Variants in UTRN observed in about 807,000 individuals in gnomAD.
UTRN encodes dystrophin-related protein 1.
Under a neutral mutation model 463.9 loss-of-function variants are expected in UTRN, and 283 were observed. The ratio of observed to expected loss-of-function variants is 0.61; its 90% CI spans 0.55 to 0.67. UTRN has a LOEUF of 0.67. UTRN is among the 30% of genes least tolerant of loss of function. The pLI, the probability that UTRN is intolerant of heterozygous loss-of-function variation, is 0.00. For synonymous variants in UTRN, 1,442 were observed against 1,431.5 expected, an observed-to-expected ratio of 1.01 and a Z score of -0.17; for missense variants, 3,922 against 4,084.3, an observed-to-expected ratio of 0.96 and a Z score of 1.08.
chr6:144,543,029 C>A (rs1798108574), intron 46 of UTRN, among the ~76,000 whole-genome samples, 159 bp downstream of exon 46: 1 of 152,108 alleles, frequency 6.6e-6, no homozygotes, highest in Admixed American at 6.5e-5. Context: ...TTCTTTAAAC[C>A]CAAGACACAT....
chr6:144,835,668 G>A, intron 69 of UTRN, 112 bp from the exon 70 acceptor site: 1 of 1,449,986 alleles, frequency 6.9e-7, no homozygotes, highest in South Asian at 1.3e-5. Context: ...TGAGCTCTAA[G>A]ACAAACTTGG....
Position 144,846,884 on chromosome 6 carries a change from GA to G in UTRN, c.10293+58del, listed in dbSNP as rs1274470335. ...TACTGATCCCAACCTAGAGTAAGCA[GA>G]TTATCCACGACTGATTTTATTCCTA... On this transcript the variant is annotated intron_variant, in intron 74 of 74. Coordinates refer to ENST00000367545, the MANE Select transcript of UTRN (RefSeq NM_007124.3). 1.2e-5 allele frequency: 19 copies of G among 1,599,076 alleles called. No homozygotes were observed. In the African/African-American group the frequency reaches 1.7e-4, roughly 15 times the overall value.
intron 50 of UTRN, among the ~76,000 whole-genome samples, chr6:144,567,734 G>C (rs1275812979): frequency 1.3e-5 from 2 of 152,124 alleles, no homozygotes; most frequent in African/African-American, 4.8e-5. Context: ...CATTCTAAAA[G>C]AGATAAATGT....
chr6:144,385,137 A>G (rs200487189), intron 2 of UTRN, among the ~76,000 whole-genome samples: 2 of 152,166 alleles, frequency 1.3e-5, no homozygotes, highest in East Asian at 3.8e-4. Flanking sequence ...GAGTAATTCT[A>G]GTGTTCCTAA....
chr6:144,447,755 C>T lies in UTRN; in HGVS notation c.1876C>T (p.Gln626Ter). 6.2e-7 allele frequency: 1 copy of T among 1,613,480 alleles called. No individual in the cohort carries two copies. Among genetic ancestry groups the T allele is most frequent in the Non-Finnish European group, 8.5e-7 (1 of 1,179,676 alleles). Residue 626 changes from glutamine (Q) to a stop codon, truncating the protein, a stop_gained, in exon 16 of 75, where the codon CAG (glutamine) becomes TAG (stop). Coordinates refer to ENST00000367545, the MANE Select transcript of UTRN (RefSeq NM_007124.3). LOFTEE classifies it high-confidence loss of function. ...ELTQRWDSLV[Q>*]RLEDSSNQVT... is the part of the protein sequence containing the mutation. ...GACTCAAAGATGGGATTCTTTGGTT[C>T]AGAGACTAGAAGATTCCTCCAACCA...
intron 51 of UTRN, among the ~76,000 whole-genome samples, chr6:144,651,114 G>A (rs1407481496): frequency 6.6e-6 from 1 of 151,674 alleles, no homozygotes; most frequent in Non-Finnish European, 1.5e-5. Flanking sequence ...AGTAATCACG[G>A]TTTTTGCTGT....
intron 65 of UTRN, among the ~76,000 whole-genome samples, chr6:144,814,732 G>T (rs912612992): frequency 6.6e-6 from 1 of 152,158 alleles, no homozygotes; most frequent in South Asian, 2.1e-4. Flanking sequence ...CATGTGGGTG[G>T]TAGTATTGGT....
intron 51 of UTRN, among the ~76,000 whole-genome samples, chr6:144,669,936 G>A (rs1380932286): frequency 6.6e-6 from 1 of 150,834 alleles, no homozygotes; most frequent in Admixed American, 6.6e-5. Flanking sequence ...TTATGCCTGA[G>A]TAGTATTGTA....
rs138419606 is a variant in UTRN, at chr6:144,650,842, G to T, written c.7480-27564G>T. 1.6e-3 allele frequency among the ~76,000 whole-genome samples: 246 copies of T among 152,228 alleles called. 2 individuals carry two copies. In the East Asian group the frequency reaches 0.028, roughly 17 times the overall value. ...GAGAATCGCTTGAACCCAGGAGACG[G>T]AGGTTGCAGTGGGCCCAGACTGCGC... On this transcript the variant is annotated intron_variant, in intron 51 of 74. Coordinates refer to ENST00000367545, the MANE Select transcript of UTRN (RefSeq NM_007124.3).
chr6:144,587,509 A>G (rs1330438880), intron 51 of UTRN, among the ~76,000 whole-genome samples: 2 of 152,178 alleles, frequency 1.3e-5, no homozygotes, highest in Non-Finnish European at 2.9e-5. Context: ...ATGTTCACTG[A>G]TGAAGTAAGG....
chr6:144,739,446 C>T (rs1488997778), intron 54 of UTRN, among the ~76,000 whole-genome samples: 1 of 152,122 alleles, frequency 6.6e-6, no homozygotes, highest in African/African-American at 2.4e-5. Flanking sequence ...AAAATGAGGA[C>T]AAATTACACA....
chr6:144,633,515 A>G (rs889566245), intron 51 of UTRN, among the ~76,000 whole-genome samples: 2 of 152,188 alleles, frequency 1.3e-5, no homozygotes, highest in Admixed American at 6.5e-5. Flanking sequence ...TACAGGCGTG[A>G]GCCACCGCGC....
At chr6:144,342,918 A>G (rs181805507) in intron 2 of UTRN, among the ~76,000 whole-genome samples, 1 of 152,352 alleles carries the variant, frequency 6.6e-6, no homozygotes, top group Non-Finnish European at 1.5e-5. Context: ...TCCCTGTGAC[A>G]GTCCTAGAAG....
intron 3 of UTRN, among the ~76,000 whole-genome samples, chr6:144,409,474 C>CA (rs1342217991): frequency 6.6e-6 from 1 of 152,134 alleles, no homozygotes; most frequent in African/African-American, 2.4e-5. Context: ...AAGGAGTGAG[C>CA]AGGACCACCT....
rs1039304080 is a variant in UTRN, at chr6:144,642,495, A to G, written c.7480-35911A>G. Among the ~76,000 whole-genome samples the G allele has an allele frequency of 5.3e-5, 8 of 152,140 alleles. No individual in the cohort carries two copies. The East Asian group carries it at 1.3e-3, about 26-fold the overall frequency. On this transcript the variant is annotated intron_variant, in intron 51 of 74. Transcript: ENST00000367545. ...TTGTGCTTGCCTTCCCCTTGTTCAG[A>G]TAAGTTGTGCTGCAAATGGCTCCAT...
chr6:144,305,545 C>T (rs982382892), intron 2 of UTRN, among the ~76,000 whole-genome samples: 3 of 152,136 alleles, frequency 2.0e-5, no homozygotes, highest in Non-Finnish European at 2.9e-5. Context: ...GGATTTGAGA[C>T]AGAGATTTGT....
At chr6:144,442,631 C>A (rs1584802528) in intron 13 of UTRN, among the ~76,000 whole-genome samples, 1 of 152,156 alleles carries the variant, frequency 6.6e-6, no homozygotes, top group Non-Finnish European at 1.5e-5. Flanking sequence ...AGAGCTTGTG[C>A]AGGGAAACTC....
intron 2 of UTRN, among the ~76,000 whole-genome samples, chr6:144,342,858 G>T (rs1395810254): frequency 1.3e-5 from 2 of 152,148 alleles, no homozygotes; most frequent in African/African-American, 4.8e-5. Context: ...AGATCAATGG[G>T]TATTGACTAT....
At chr6:144,638,920 T>A (rs892632149) in intron 51 of UTRN, among the ~76,000 whole-genome samples, 4 of 151,830 alleles carry the variant, frequency 2.6e-5, no homozygotes, top group East Asian at 1.9e-4. Flanking sequence ...AGAAATTTTT[T>A]AAAAAAAGTT....
Sources: gnomAD v4.1 joint callset for allele counts (sites outside exome capture counted in the v4.1 genomes callset) on GRCh38, gnomAD v4.1.1 for gene constraint, MANE v1.5 for transcripts, NCBI Gene and HGNC (gene_info 2026-07-23, HGNC 2026-07-21) for gene names.